The following GARIN3 variants were observed in gnomAD, a reference collection of about 807,000 sequenced individuals.
GARIN3 encodes golgi associated RAB2 interactor family member 3.
the GARIN3 span, chr5:157,165,910 T>C: frequency 4.3e-6 from 7 of 1,614,132 alleles, no homozygotes; most frequent in African/African-American, 5.3e-5. Flanking sequence ...GCCAGAACCA[T>C]GACGTCAGGC....
At chr5:157,165,941 G>A in the GARIN3 span, 2 of 1,614,164 alleles carry the variant, frequency 1.2e-6, no homozygotes, top group Non-Finnish European at 1.7e-6. Context: ...TGGGGCTGGT[G>A]CAGACGATGC....
chr5:157,164,829 A>G, the GARIN3 span, among the ~76,000 whole-genome samples: 1 of 151,216 alleles, frequency 6.6e-6, no homozygotes, highest in Non-Finnish European at 1.5e-5. Context: ...AGTGGATGAT[A>G]GTGAAACCTC....
the GARIN3 span, chr5:157,162,391 T>TACTTCC: frequency 6.5e-7 from 1 of 1,548,998 alleles, no homozygotes. Flanking sequence ...AAAGCTGGGA[T>TACTTCC]GGGCTCCTCT....
the GARIN3 span, among the ~76,000 whole-genome samples, chr5:157,163,961 G>T: frequency 5.3e-5 from 8 of 152,158 alleles, 1 homozygote; most frequent in Non-Finnish European, 1.0e-4. Context: ...GTAGGCTGAG[G>T]TAGGAGTATC....
chr5:157,163,015 A>G, the GARIN3 span: 1 of 1,614,146 alleles, frequency 6.2e-7, no homozygotes, highest in Non-Finnish European at 8.5e-7. Flanking sequence ...GGGCTGGGAA[A>G]CTTTCTGGCT....
chr5:157,162,409 C>A, the GARIN3 span: 1 of 1,590,312 alleles, frequency 6.3e-7, no homozygotes, highest in Non-Finnish European at 8.5e-7. Context: ...TCTAGGGATA[C>A]TTCCAGATCC....
the GARIN3 span, chr5:157,162,650 T>A: frequency 6.2e-7 from 1 of 1,614,204 alleles, no homozygotes; most frequent in South Asian, 1.1e-5. Flanking sequence ...CTGAGGCTCC[T>A]TAAAAAAGAG....
chr5:157,162,164 A>G, the GARIN3 span: 11 of 458,672 alleles, frequency 2.4e-5, no homozygotes, highest in African/African-American at 1.8e-4. Context: ...AGCAAAAGGG[A>G]TTGAGGCAAA....
chr5:157,162,280 C>T, the GARIN3 span: 1 of 1,048,412 alleles, frequency 9.5e-7, no homozygotes, highest in Non-Finnish European at 1.4e-6. Context: ...ACAGAAGCCA[C>T]TGTGAGGTCA....
chr5:157,165,812 G>A, the GARIN3 span: 2 of 1,614,140 alleles, frequency 1.2e-6, no homozygotes, highest in Non-Finnish European at 1.7e-6. Flanking sequence ...GCAGTCTCGT[G>A]AGCTCTAGAG....
the GARIN3 span, among the ~76,000 whole-genome samples, chr5:157,164,775 C>A: frequency 1.3e-5 from 2 of 151,744 alleles, no homozygotes; most frequent in Admixed American, 1.3e-4. Flanking sequence ...TGACTCAAAT[C>A]GAAGAAAGAC....
chr5:157,163,115 T>G, the GARIN3 span: 1 of 1,614,232 alleles, frequency 6.2e-7, no homozygotes, highest in Non-Finnish European at 8.5e-7. Context: ...GCTGCACACT[T>G]GCTGGTCGTA....
chr5:157,165,872 A>G, the GARIN3 span: 11 of 1,614,114 alleles, frequency 6.8e-6, no homozygotes, highest in South Asian at 7.7e-5. Flanking sequence ...CCCATCTGAC[A>G]TGCTGTTCAC....
the GARIN3 span, chr5:157,163,167 G>A: frequency 6.2e-7 from 1 of 1,614,184 alleles, no homozygotes; most frequent in Non-Finnish European, 8.5e-7. Flanking sequence ...TGTCTTGGGA[G>A]AGACTGGCGG....
At chr5:157,162,678 CT>C in the GARIN3 span, 1 of 1,614,218 alleles carries the variant, frequency 6.2e-7, no homozygotes, top group Non-Finnish European at 8.5e-7. Context: ...TACTGGCTTT[CT>C]TTTGTAAAGC....
chr5:157,166,241 T>A, the GARIN3 span: 1 of 1,545,204 alleles, frequency 6.5e-7, no homozygotes, highest in Non-Finnish European at 8.7e-7. Context: ...AGAAGGTAAC[T>A]GCCCATCTCC....
chr5:157,162,822 T>C, the GARIN3 span: 1 of 1,614,212 alleles, frequency 6.2e-7, no homozygotes, highest in African/African-American at 1.3e-5. Context: ...ACCCTTTTTC[T>C]TTTTTGTCAT....
chr5:157,165,810 G>A, the GARIN3 span: 73 of 1,614,114 alleles, frequency 4.5e-5, no homozygotes, highest in African/African-American at 7.2e-4. Context: ...AAGCAGTCTC[G>A]TGAGCTCTAG....
the GARIN3 span, chr5:157,163,507 C>A: frequency 1.9e-6 from 3 of 1,614,186 alleles, no homozygotes; most frequent in Non-Finnish European, 1.7e-6. Context: ...CCCTGGAGTG[C>A]TCGTGGATGG....
Sources: allele counts gnomAD v4.1 joint callset (sites outside exome capture counted in the v4.1 genomes callset), GRCh38; gene constraint gnomAD v4.1.1; transcripts MANE v1.5; gene names NCBI Gene and HGNC (gene_info 2026-07-23, HGNC 2026-07-21).